Variants in CSMD1 observed in about 807,000 individuals in gnomAD.
CSMD1 encodes the protein CUB and Sushi multiple domains 1.
In CSMD1, 213 loss-of-function variants were observed where a neutral mutation model predicts 417.5. The ratio of observed to expected loss-of-function variants is 0.51; its 90% CI spans 0.46 to 0.57. CSMD1 has a LOEUF of 0.57. Among genes scored for constraint, CSMD1 ranks in the 20% least tolerant of loss-of-function variants. The pLI is 0.00. For synonymous variants in CSMD1, 2,862 were observed against 1,736.8 expected (o/e 1.65, Z -16.11); for missense variants, 6,923 against 4,529.7 (o/e 1.53, Z -15.17).
chr8:4,172,195 C>T (rs760722870), intron 3 of CSMD1, among the ~76,000 whole-genome samples: 35 of 152,092 alleles, frequency 2.3e-4, no homozygotes, highest in South Asian at 4.2e-4. Context: ...AAAAACTCTA[C>T]GCCATCTAAA....
intron 1 of CSMD1, among the ~76,000 whole-genome samples, chr8:4,708,941 A>T (rs997537319): frequency 1.3e-5 from 2 of 152,180 alleles, no homozygotes; most frequent in South Asian, 2.1e-4. Flanking sequence ...CAAGCCAAAG[A>T]AAGAGGCCTC....
chr8:4,110,259 A>G (rs1406104378), intron 3 of CSMD1, among the ~76,000 whole-genome samples: 1 of 152,168 alleles, frequency 6.6e-6, no homozygotes. Context: ...TGGCAACGAA[A>G]CAAGTCATGA....
At chr8:4,369,368 G>A in intron 3 of CSMD1, among the ~76,000 whole-genome samples, 1 of 152,100 alleles carries the variant, frequency 6.6e-6, no homozygotes. Flanking sequence ...CAAGCATGTG[G>A]TTGATCTTAG....
Position 4,388,309 on chromosome 8 carries a change from CACACACACACAG to C in CSMD1, c.415+31632_415+31643del, listed in dbSNP as rs1418874813. On this transcript the variant is annotated intron_variant, in intron 3 of 69. Transcript: ENST00000635120. ...GTGGATAAAGAAACTGTGATACACACACACACACACAGACACACACACACACACACACACACG... is the reference window on the plus strand; with the variant it reads ...GTGGATAAAGAAACTGTGATACACACACACACACACACACACACACACACG... 8.8e-3 allele frequency among the ~76,000 whole-genome samples: 952 copies of C among 108,336 alleles called. 10 individuals are homozygous for C. The highest frequency in any genetic ancestry group is 0.032 in the African/African-American group (699 of 22,160). The allele number at this position is 108,336 out of a possible 152,430, so 71.1% of individuals were successfully genotyped here.
At chr8:4,749,472 A>C (rs1012617250) in intron 1 of CSMD1, among the ~76,000 whole-genome samples, 3 of 152,224 alleles carry the variant, frequency 2.0e-5, no homozygotes, top group African/African-American at 7.2e-5. Flanking sequence ...TTCTTGAGAA[A>C]GGAATTCCAA....
Position 4,313,516 on chromosome 8 carries a change from A to AC in CSMD1, c.415+106436_415+106437insG, listed in dbSNP as rs1196488387. 2.6e-5 allele frequency among the ~76,000 whole-genome samples: 4 copies of AC among 151,714 alleles called. No individual in the cohort carries two copies. The East Asian group carries it at 7.8e-4, about 29-fold the overall frequency. On this transcript the variant is annotated intron_variant, in intron 3 of 69. Transcript: ENST00000635120. Reference sequence around the variant, plus strand: ...TCTTACATGTCAAAATGAAAAAAAAAAAAAAAATCACGCGTAGGTCACATC... The same window carrying AC: ...TCTTACATGTCAAAATGAAAAAAAAACAAAAAAATCACGCGTAGGTCACATC...
chr8:4,321,281 T>C (rs1312999679), intron 3 of CSMD1, among the ~76,000 whole-genome samples: 2 of 152,172 alleles, frequency 1.3e-5, no homozygotes, highest in African/African-American at 4.8e-5. Flanking sequence ...TGTGTTGGTA[T>C]GTTCAGAGCT....
At chr8:4,304,515 G>A (rs1464621545) in intron 3 of CSMD1, among the ~76,000 whole-genome samples, 1 of 152,124 alleles carries the variant, frequency 6.6e-6, no homozygotes, top group Non-Finnish European at 1.5e-5. Context: ...TACTGTTTCA[G>A]TGTCAGGACT....
At chr8:3,945,634 T>C (rs1293752643) in intron 5 of CSMD1, among the ~76,000 whole-genome samples, 2 of 152,114 alleles carry the variant, frequency 1.3e-5, no homozygotes, top group Non-Finnish European at 2.9e-5. Context: ...TAACTCACAG[T>C]ATTAACTAAG....
intron 12 of CSMD1, among the ~76,000 whole-genome samples, chr8:3,423,726 T>G (rs28579803): frequency 0.091 from 13,826 of 152,182 alleles, 711 homozygotes; most frequent in Middle Eastern, 0.2. Context: ...TGGAAATGTG[T>G]TTTTATTTCA....
At chr8:3,539,660 C>A (rs979944876) in intron 10 of CSMD1, among the ~76,000 whole-genome samples, 5 of 151,888 alleles carry the variant, frequency 3.3e-5, no homozygotes, top group African/African-American at 4.8e-5. Flanking sequence ...TGTTGGGTGA[C>A]CTTGTCACCC....
chr8:3,023,854 CA>C (rs71199524), intron 51 of CSMD1, among the ~76,000 whole-genome samples: 16,440 of 108,210 alleles, frequency 0.15, 834 homozygotes, highest in African/African-American at 0.19. Flanking sequence ...ACTGGGGAGT[CA>C]AAAAAAAAAA....
intron 41 of CSMD1, among the ~76,000 whole-genome samples, chr8:3,125,921 G>A (rs957867234): frequency 1.3e-4 from 20 of 152,196 alleles, no homozygotes; most frequent in African/African-American, 4.3e-4. Flanking sequence ...AGGTTGCAGT[G>A]AGCTGAGATC....
At chr8:3,526,302 C>T (rs950412119) in intron 10 of CSMD1, among the ~76,000 whole-genome samples, 4 of 150,326 alleles carry the variant, frequency 2.7e-5, no homozygotes, top group Non-Finnish European at 5.9e-5. Flanking sequence ...TAGATATAGG[C>T]AATGTTTAAA....
intron 30 of CSMD1, among the ~76,000 whole-genome samples, chr8:3,208,625 T>C (rs1278567818): frequency 2.0e-5 from 3 of 152,152 alleles, no homozygotes; most frequent in Non-Finnish European, 2.9e-5. Flanking sequence ...ATAGAAAGTA[T>C]TGATCCTGGG....
intron 2 of CSMD1, among the ~76,000 whole-genome samples, chr8:4,627,217 C>T (rs1301877388): frequency 6.6e-6 from 1 of 152,102 alleles, no homozygotes; most frequent in African/African-American, 2.4e-5. Context: ...AAATCAGCAA[C>T]AGACTTTGCT....
intron 3 of CSMD1, among the ~76,000 whole-genome samples, chr8:4,347,612 C>T (rs1015682699): frequency 6.6e-6 from 1 of 152,176 alleles, no homozygotes; most frequent in Admixed American, 6.5e-5. Flanking sequence ...GCCATCTGCT[C>T]TGAGTCTTCT....
chr8:4,651,979 T>A (rs1022561166), intron 1 of CSMD1, among the ~76,000 whole-genome samples: 1 of 152,182 alleles, frequency 6.6e-6, no homozygotes, highest in Non-Finnish European at 1.5e-5. Context: ...GCTCCCTAAG[T>A]ATAATGAAAG....
At chr8:3,452,005 G>C (rs374352539) in intron 12 of CSMD1, among the ~76,000 whole-genome samples, 2 of 152,136 alleles carry the variant, frequency 1.3e-5, no homozygotes, top group Non-Finnish European at 2.9e-5. Context: ...GCAGTGGTTT[G>C]TAGTTCTCCT....
Sources: allele counts gnomAD v4.1 joint callset (sites outside exome capture counted in the v4.1 genomes callset), GRCh38; gene constraint gnomAD v4.1.1; transcripts MANE v1.5; gene names NCBI Gene and HGNC (gene_info 2026-07-23, HGNC 2026-07-21).